The following KDM4B variants were observed in gnomAD, a reference collection of about 807,000 sequenced individuals.
The protein encoded by KDM4B is lysine demethylase 4B, also known as lysine-specific demethylase 4B.
KDM4B carries 32 observed loss-of-function variants against 125.2 expected under a neutral mutation model. The ratio of observed to expected loss-of-function variants is 0.26; its 90% CI spans 0.19 to 0.34. The LOEUF (loss-of-function observed/expected upper bound fraction) is 0.34, where lower values mean the gene tolerates loss of function less well. Among genes scored for constraint, KDM4B ranks in the 10% least tolerant of loss-of-function variants. KDM4B has a pLI of 1.00. For synonymous variants in KDM4B, 721 were observed against 677.9 expected (o/e 1.06, Z -0.99); for missense variants, 1,190 against 1,577.7 (o/e 0.75, Z 4.16).
intron 2 of KDM4B, among the ~76,000 whole-genome samples, chr19:5,029,374 A>G (rs1229895863): frequency 6.6e-6 from 1 of 152,166 alleles, no homozygotes; most frequent in Non-Finnish European, 1.5e-5. Flanking sequence ...TGTCTGCCAC[A>G]TTCCTGGTGA....
chr19:5,060,433 CAAAAAAAAAAA>C (rs901472663), intron 6 of KDM4B, among the ~76,000 whole-genome samples: 4,135 of 32,872 alleles, frequency 0.13, 342 homozygotes, highest in African/African-American at 0.32. Flanking sequence ...ACTCTGTCTC[CAAAAAAAAAAA>C]AAAAAAAAAA....
intron 1 of KDM4B, among the ~76,000 whole-genome samples, chr19:5,002,097 A>C (rs995736852): frequency 1.3e-5 from 2 of 151,730 alleles, no homozygotes; most frequent in Non-Finnish European, 2.9e-5. Context: ...TCCCAGGTTC[A>C]AGCAATTCTC....
At chr19:5,097,676 A>C (rs1432492435) in intron 9 of KDM4B, among the ~76,000 whole-genome samples, 1 of 152,230 alleles carries the variant, frequency 6.6e-6, no homozygotes, top group African/African-American at 2.4e-5. Context: ...AAAGCAGAGG[A>C]CCGCTGCCCT....
intron 6 of KDM4B, among the ~76,000 whole-genome samples, chr19:5,052,378 G>A (rs929161438): frequency 1.4e-5 from 2 of 146,122 alleles, no homozygotes; most frequent in Non-Finnish European, 3.0e-5. Context: ...GAGGGTGGGG[G>A]TGGGGAGGGT....
intron 1 of KDM4B, among the ~76,000 whole-genome samples, chr19:4,983,367 A>G (rs549314847): frequency 1.8e-3 from 273 of 152,140 alleles, no homozygotes; most frequent in Non-Finnish European, 3.0e-3. Context: ...TATGGCTCTG[A>G]TGGTGTCTGG....
rs1239185463 is a variant in KDM4B at position 4,984,869 on chromosome 19, G to A, written c.-109+15639G>A. On this transcript the variant is annotated intron_variant, in intron 1 of 22. Transcript: ENST00000159111. ...TAATGTACCTGGGGGTCTGGCACCTGCTCCGTGAAACCCGAGGTCTCCCTG... is the reference window on the plus strand; with the variant it reads ...TAATGTACCTGGGGGTCTGGCACCTACTCCGTGAAACCCGAGGTCTCCCTG... Among the ~76,000 whole-genome samples the A allele has an allele frequency of 2.6e-5, 4 of 152,164 alleles. No homozygotes were observed. The South Asian group carries it at 8.3e-4, about 32-fold the overall frequency.
intron 6 of KDM4B, among the ~76,000 whole-genome samples, chr19:5,067,746 T>C (rs1302673716): frequency 6.6e-6 from 1 of 152,050 alleles, no homozygotes; most frequent in Non-Finnish European, 1.5e-5. Context: ...GCAGGCCCGG[T>C]TGGGGACCAG....
chr19:5,133,871 C>T lies in KDM4B; in HGVS notation c.1907-12C>T. ...TCAAGTGTCTCTCTCCCTCTCCCCT[C>T]TGTTCTTCTAGAGGCATCCCCTTTC... On this transcript the variant is annotated splice_polypyrimidine_tract_variant and intron_variant, in intron 13 of 22. Coordinates refer to ENST00000159111, the MANE Select transcript of KDM4B (RefSeq NM_015015.3). The T allele has an allele frequency of 6.2e-7, 1 of 1,611,874 alleles. No individual in the cohort carries two copies.
chr19:4,988,335 G>A (rs1009926961), intron 1 of KDM4B, among the ~76,000 whole-genome samples: 3 of 152,066 alleles, frequency 2.0e-5, no homozygotes, highest in African/African-American at 7.2e-5. Flanking sequence ...GAGTGCAGTG[G>A]TGCGATCTAG....
Position 5,081,398 on chromosome 19 carries a change from G to A in KDM4B, c.781-969G>A, listed in dbSNP as rs532928355. 4.9e-4 allele frequency among the ~76,000 whole-genome samples: 74 copies of A among 152,294 alleles called. No individual in the cohort carries two copies. The highest frequency in any genetic ancestry group is 2.6e-3 in the Admixed American group (40 of 15,302). On this transcript the variant is annotated intron_variant, in intron 8 of 22. Coordinates refer to ENST00000159111, the MANE Select transcript of KDM4B (RefSeq NM_015015.3). The surrounding 1 kb of genome is among the most constrained non-coding windows in gnomAD (Gnocchi z 4.2). ...GAGTGGGGGTCAGTGTGGCCATCTC[G>A]AGTGTCCCCAGAGTGGGGAGGGTTC...
At chr19:5,145,021 G>A in intron 21 of KDM4B, 119 bp downstream of exon 21, 1 of 1,376,684 alleles carries the variant, frequency 7.3e-7, no homozygotes. Flanking sequence ...GCGGGTGTGG[G>A]CCATGGTTAG....
intron 9 of KDM4B, among the ~76,000 whole-genome samples, chr19:5,104,493 T>C (rs1037212515): frequency 6.6e-6 from 1 of 152,146 alleles, no homozygotes; most frequent in Non-Finnish European, 1.5e-5. Context: ...TTTTTTTTTT[T>C]TTTCCAGCAA....
chr19:5,139,283 T>C (rs2039700849), intron 18 of KDM4B, among the ~76,000 whole-genome samples: 1 of 152,196 alleles, frequency 6.6e-6, no homozygotes, highest in South Asian at 2.1e-4. Flanking sequence ...GAGTTCCTTC[T>C]TTTCCTGGCT....
Position 5,045,096 on chromosome 19 carries a change from G to A in KDM4B, c.433-2380G>A, listed in dbSNP as rs539471618. 6.6e-5 allele frequency among the ~76,000 whole-genome samples: 10 copies of A among 152,296 alleles called. No individual in the cohort carries two copies. In the South Asian group the frequency reaches 2.1e-3, roughly 32 times the overall value. On this transcript the variant is annotated intron_variant, in intron 5 of 22. Coordinates refer to ENST00000159111, the MANE Select transcript of KDM4B (RefSeq NM_015015.3). ...CAGTTGCTGGACCACGTGGTGAGAG[G>A]ACGTTTAGTTTTTTAAGACGCCACC...
intron 6 of KDM4B, among the ~76,000 whole-genome samples, chr19:5,061,455 C>A (rs1158580698): frequency 6.6e-6 from 1 of 152,246 alleles, no homozygotes; most frequent in African/African-American, 2.4e-5. Flanking sequence ...TGCTCCCTGG[C>A]AGATCCTATC....
At chr19:5,088,410 G>A (rs545699839) in intron 9 of KDM4B, among the ~76,000 whole-genome samples, 4 of 152,240 alleles carry the variant, frequency 2.6e-5, no homozygotes, top group Non-Finnish European at 5.9e-5. Flanking sequence ...CATATCACTC[G>A]GACACCACGG....
At chr19:4,969,879 A>G (rs1418130610) in intron 1 of KDM4B, among the ~76,000 whole-genome samples, 1 of 151,402 alleles carries the variant, frequency 6.6e-6, no homozygotes, top group East Asian at 1.9e-4. Context: ...CCATAAGCAT[A>G]TGCAATCTGG....
At chr19:5,009,017 T>C (rs6417190) in intron 1 of KDM4B, among the ~76,000 whole-genome samples, 56,930 of 150,122 alleles carry the variant, frequency 0.38, 11,609 homozygotes, top group East Asian at 0.73. Flanking sequence ...CAGGTTCAAG[T>C]AATTCTCCTG....
chr19:5,148,425 C>T (rs920920285), intron 21 of KDM4B, among the ~76,000 whole-genome samples: 2 of 152,194 alleles, frequency 1.3e-5, no homozygotes, highest in African/African-American at 2.4e-5. Context: ...GAATCTGGGG[C>T]GGATCTCTGC....
Sources: allele counts gnomAD v4.1 joint callset (sites outside exome capture counted in the v4.1 genomes callset), GRCh38; gene constraint gnomAD v4.1.1; non-coding constraint Gnocchi (gnomAD v3.1); transcripts MANE v1.5; gene names NCBI Gene and HGNC (gene_info 2026-07-23, HGNC 2026-07-21).